The following EXOC1 variants were observed in gnomAD, a reference collection of about 807,000 sequenced individuals.
EXOC1 encodes the protein SEC3-like 1.
A neutral mutation model predicts 107.7 loss-of-function variants in EXOC1; 67 were observed. That is an observed-to-expected ratio of 0.62 (90% CI 0.51 to 0.76). The LOEUF (loss-of-function observed/expected upper bound fraction) is 0.76, where lower values mean the gene tolerates loss of function less well. Ranked by LOEUF, EXOC1 falls within the 30% of genes least tolerant of loss-of-function variation. The pLI is 0.00. For missense variants in EXOC1, 833 were observed against 1,055.7 expected, an observed-to-expected ratio of 0.79 and a Z score of 2.92; for synonymous variants, 348 against 353.5, an observed-to-expected ratio of 0.98 and a Z score of 0.17.
chr4:55,904,312 A>G lies in EXOC1; in HGVS notation c.2533-31A>G, dbSNP rs1413615599. ...ACTAGATTACATATTATTTCCATTC[A>G]TAGCCTAATGACTTTTTTTTTTAAT... On this transcript the variant is annotated intron_variant, in intron 18 of 18. Transcript: ENST00000381295. 4 of 1,565,942 alleles carry G rather than the reference A, an allele frequency of 2.6e-6. No individual in the cohort carries two copies. In the African/African-American group the frequency reaches 4.2e-5, roughly 17 times the overall value.
chr4:55,902,524 G>A lies in EXOC1; in HGVS notation c.2518G>A (p.Glu840Lys), dbSNP rs1195885356. The A allele has an allele frequency of 6.6e-7, 1 of 1,516,938 alleles. No homozygotes were observed. The highest frequency in any genetic ancestry group is 8.8e-7 in the Non-Finnish European group (1 of 1,138,764). 94.0% of individuals were successfully genotyped at this position (1,516,938 alleles called of 1,614,324 possible). A position where few individuals can be genotyped will look rare whatever the true frequency, so the allele number is the denominator to read the frequency against. ...KKVDKHLCEE[E>K]NLLQVVWHSM... The stretch of plus-strand genomic sequence containing the variant: ...AGTTGATAAACATTTATGTGAAGAA[G>A]AGAACTTACTTCAGGTATGCTTACT... Residue 840 changes from glutamate (E) to lysine (K), a missense_variant, in exon 18 of 19, where the codon GAG becomes AAG. Around this residue, in one of 2 missense-constraint regions of EXOC1, gnomAD observed 216 missense variants for 354.4 expected, o/e 0.61. Transcript: ENST00000381295.
intron 5 of EXOC1, among the ~76,000 whole-genome samples, chr4:55,869,842 C>G (rs1577708037): frequency 6.6e-6 from 1 of 152,154 alleles, no homozygotes; most frequent in Non-Finnish European, 1.5e-5. Context: ...CCAGGTTTTT[C>G]ATCGTACCAT....
At chr4:55,881,489 A>G (rs1166672448) in intron 9 of EXOC1, among the ~76,000 whole-genome samples, 1 of 152,158 alleles carries the variant, frequency 6.6e-6, no homozygotes, top group Non-Finnish European at 1.5e-5. Flanking sequence ...ATACAGCCTC[A>G]GGAGGTCCTG....
At chr4:55,891,565 G>C in intron 13 of EXOC1, 143 bp downstream of exon 13, 1 of 590,542 alleles carries the variant, frequency 1.7e-6, no homozygotes, top group South Asian at 2.5e-5. Flanking sequence ...AAGGATTTAG[G>C]ATGTAAGGAA....
At chr4:55,876,711 A>G in intron 8 of EXOC1, 1 of 985,416 alleles carries the variant, frequency 1.0e-6, no homozygotes, top group Non-Finnish European at 1.2e-6. Flanking sequence ...TCTCTAGTTC[A>G]GTTTCCCAAG....
At chr4:55,877,120 T>G (rs1456443932) in intron 8 of EXOC1, 5 of 974,170 alleles carry the variant, frequency 5.1e-6, no homozygotes, top group Non-Finnish European at 6.1e-6. Flanking sequence ...CCTTTTAACT[T>G]AAAAGAATTT....
intron 8 of EXOC1, chr4:55,875,655 G>A: frequency 2.0e-6 from 2 of 985,184 alleles, no homozygotes; most frequent in South Asian, 4.7e-5. Context: ...AAAAATTAAT[G>A]AGGAAGATTG....
intron 16 of EXOC1, 124 bp from the exon 17 acceptor site, chr4:55,899,561 T>G (rs1347288364): frequency 7.5e-6 from 6 of 804,292 alleles, no homozygotes; most frequent in Non-Finnish European, 1.2e-5. Flanking sequence ...ATATATTGTA[T>G]TAAGTCCAGA....
At chr4:55,868,607 C>T (rs911505398) in intron 5 of EXOC1, 84 bp downstream of exon 5, 8 of 1,265,228 alleles carry the variant, frequency 6.3e-6, no homozygotes, top group Non-Finnish European at 7.7e-6. Context: ...TACCTCAGCA[C>T]TTAAGCCTTT....
In EXOC1 at chr4:55,864,282, GC is replaced by G; in HGVS notation, c.312del (p.Ser104ArgfsTer15). ...FEKIYKWVAS[S>X]TAEKNAFISC... is the part of the protein sequence containing the mutation. ...AAAATATATAAATGGGTTGCCAGCA[GC>G]ACTGCTGAAAAGAATGCATTTATTT... On this transcript the variant is annotated frameshift_variant, in exon 4 of 19. Coordinates refer to ENST00000381295, the MANE Select transcript of EXOC1 (RefSeq NM_001024924.2). LOFTEE classifies it high-confidence loss of function. The G allele has an allele frequency of 6.2e-7, 1 of 1,607,008 alleles. No individual in the cohort carries two copies. The highest frequency in any genetic ancestry group is 2.2e-5 in the East Asian group (1 of 44,654).
Position 55,904,606 on chromosome 4 carries a change from A to G in EXOC1, c.*111A>G, listed in dbSNP as rs1248284320. 3 of 1,120,254 alleles carry G rather than the reference A, an allele frequency of 2.7e-6. No homozygotes were observed. Among genetic ancestry groups the G allele is most frequent in the African/African-American group, 1.6e-5 (1 of 62,562 alleles). The allele number at this position is 1,120,254 out of a possible 1,614,324, so 69.4% of individuals were successfully genotyped here. A position where few individuals can be genotyped will look rare whatever the true frequency, so the allele number is the denominator to read the frequency against. ...ACCCAGACTTAAAATTTTATGTATT[A>G]TTAAATGTTAGATAAATGGGTAGTA... On this transcript the variant is annotated 3_prime_UTR_variant, in exon 19 of 19. Transcript: ENST00000381295.
In EXOC1 at chr4:55,899,120, G is replaced by A. The variant is rs77873090; in HGVS notation, c.2138-565G>A. Among the ~76,000 whole-genome samples the A allele has an allele frequency of 9.0e-3, 1,361 of 151,948 alleles. 15 individuals carry two copies. Among genetic ancestry groups the A allele is most frequent in the African/African-American group, 0.026 (1,058 of 41,486 alleles). On this transcript the variant is annotated intron_variant, in intron 16 of 18. Coordinates refer to ENST00000381295, the MANE Select transcript of EXOC1 (RefSeq NM_001024924.2). Reference sequence around the variant, plus strand: ...ATAAATTATCTCACTATTTTATTTTGCATTTCATTGATTTTGTATATGGTG... The same window carrying A: ...ATAAATTATCTCACTATTTTATTTTACATTTCATTGATTTTGTATATGGTG...
chr4:55,864,556 A>G (rs1461006813), intron 4 of EXOC1, among the ~76,000 whole-genome samples, 170 bp downstream of exon 4: 1 of 152,210 alleles, frequency 6.6e-6, no homozygotes. Flanking sequence ...ATATTAATAC[A>G]TTATGATAAA....
intron 11 of EXOC1, among the ~76,000 whole-genome samples, chr4:55,889,728 G>A (rs1299458689): frequency 2.0e-5 from 3 of 152,166 alleles, no homozygotes; most frequent in Non-Finnish European, 4.4e-5. Flanking sequence ...AAATGATCAA[G>A]TATGGGCAGT....
chr4:55,896,550 T>C lies in EXOC1; in HGVS notation c.1954-167T>C, dbSNP rs374012138. On this transcript the variant is annotated intron_variant, in intron 15 of 18. Coordinates refer to ENST00000381295, the MANE Select transcript of EXOC1 (RefSeq NM_001024924.2). ...TTTTCTTAGTTATCCTTGTTTTGAT[T>C]CATCTTCAATTAGTAAGCATCCAAA... is the stretch of plus-strand genomic sequence containing the variant. Among the ~76,000 whole-genome samples, 3 of 152,232 alleles carry C rather than the reference T, an allele frequency of 2.0e-5. No individual in the cohort carries two copies. In the East Asian group the frequency reaches 5.8e-4, roughly 29 times the overall value.
chr4:55,870,059 GA>G (rs1051752880), intron 5 of EXOC1, among the ~76,000 whole-genome samples: 180 of 145,658 alleles, frequency 1.2e-3, no homozygotes, highest in Non-Finnish European at 1.8e-3. Flanking sequence ...GCCTGGGGAA[GA>G]AAAAAAAAAC....
intron 16 of EXOC1, among the ~76,000 whole-genome samples, chr4:55,897,507 C>T (rs919637207): frequency 6.6e-6 from 1 of 152,088 alleles, no homozygotes; most frequent in African/African-American, 2.4e-5. Context: ...TACTGTAATT[C>T]GCTTTCTTCC....
At chr4:55,868,727 T>TAGC (rs1351576520) in intron 5 of EXOC1, 2 of 424,054 alleles carry the variant, frequency 4.7e-6, no homozygotes, top group South Asian at 6.0e-5. Flanking sequence ...TGAAGACAGT[T>TAGC]GGCTGAGATT....
chr4:55,871,983 G>T (rs376404951), intron 8 of EXOC1, 25 bp downstream of exon 8: 3 of 1,593,028 alleles, frequency 1.9e-6, no homozygotes, highest in South Asian at 1.1e-5. Flanking sequence ...TTATTAAAAC[G>T]AGCATGTTCC....
Sources: allele counts gnomAD v4.1 joint callset (sites outside exome capture counted in the v4.1 genomes callset), GRCh38; gene constraint gnomAD v4.1.1; regional missense constraint gnomAD v4.1.1; transcripts MANE v1.5; gene names NCBI Gene and HGNC (gene_info 2026-07-23, HGNC 2026-07-21).